The following CNBD1 variants were observed in gnomAD, a reference collection of about 807,000 sequenced individuals.
CNBD1 encodes the protein cyclic nucleotide-binding domain-containing protein 1.
Under a neutral mutation model 54.4 loss-of-function variants are expected in CNBD1, and 71 were observed. The ratio of observed to expected loss-of-function variants is 1.30; its 90% CI spans 1.08 to 1.59. The LOEUF is 1.59. Ranked by LOEUF, CNBD1 falls within the 40% of genes most tolerant of loss-of-function variation. The probability of loss-of-function intolerance (pLI) is 0.00; values close to 1 mark genes in which losing one functional copy is unlikely to be tolerated. For synonymous variants in CNBD1, 182 were observed against 170.7 expected (o/e 1.07, Z -0.51); for missense variants, 659 against 518.0 (o/e 1.27, Z -2.64).
chr8:87,116,531 CT>C (rs1014952396), intron 4 of CNBD1, among the ~76,000 whole-genome samples: 10 of 151,952 alleles, frequency 6.6e-5, no homozygotes, highest in Admixed American at 2.0e-4. Flanking sequence ...CTTATATAAT[CT>C]TTTTTTAAGT....
intron 4 of CNBD1, among the ~76,000 whole-genome samples, chr8:87,026,894 A>G (rs1056859392): frequency 5.3e-5 from 8 of 152,226 alleles, no homozygotes; most frequent in African/African-American, 1.9e-4. Flanking sequence ...CTGGGTTTCT[A>G]TGCCAAACCT....
intron 8 of CNBD1, among the ~76,000 whole-genome samples, chr8:87,328,291 G>A (rs1171980371): frequency 6.6e-6 from 1 of 151,862 alleles, no homozygotes; most frequent in East Asian, 1.9e-4. Flanking sequence ...CAACATATGT[G>A]TGAATTTTTC....
chr8:86,893,483 ATTATC>A (rs1446312529), intron 2 of CNBD1, among the ~76,000 whole-genome samples: 3 of 152,178 alleles, frequency 2.0e-5, no homozygotes, highest in Admixed American at 2.0e-4. Flanking sequence ...TCTAGATGAT[ATTATC>A]TTAAACTTAC....
intron 8 of CNBD1, among the ~76,000 whole-genome samples, chr8:87,342,967 G>C (rs752661429): frequency 3.9e-5 from 6 of 152,134 alleles, no homozygotes; most frequent in Admixed American, 6.5e-5. Context: ...GGTACTGCAG[G>C]AGACCAGGGC....
chr8:87,275,438 G>A (rs531491615), intron 6 of CNBD1, among the ~76,000 whole-genome samples: 44 of 151,792 alleles, frequency 2.9e-4, no homozygotes, highest in South Asian at 8.3e-4. Context: ...GTTTGTATCC[G>A]CTTTTATTTC....
At chr8:86,878,105 T>TGTGTGTGTGTGTGAGAGA (rs56785226) in intron 1 of CNBD1, among the ~76,000 whole-genome samples, 2 of 140,876 alleles carry the variant, frequency 1.4e-5, no homozygotes, top group South Asian at 2.4e-4. Context: ...TGTGTGTGTG[T>TGTGTGTGTGTGTGAGAGA]GAGAGAGAGA....
At chr8:87,055,349 A>G (rs1045288897) in intron 4 of CNBD1, among the ~76,000 whole-genome samples, 1 of 152,132 alleles carries the variant, frequency 6.6e-6, no homozygotes, top group Non-Finnish European at 1.5e-5. Context: ...AACTCCCCCT[A>G]TCTATGCAAC....
chr8:86,977,406 C>T (rs960406611), intron 4 of CNBD1, among the ~76,000 whole-genome samples: 2 of 152,040 alleles, frequency 1.3e-5, no homozygotes, highest in East Asian at 3.8e-4. Flanking sequence ...CTCTTCTTTG[C>T]TCCTCAGATT....
intron 10 of CNBD1, among the ~76,000 whole-genome samples, chr8:87,362,552 A>G (rs1810544019): frequency 6.6e-6 from 1 of 152,048 alleles, no homozygotes; most frequent in African/African-American, 2.4e-5. Flanking sequence ...ATTTTTAATC[A>G]TAACCTTATT....
intron 4 of CNBD1, among the ~76,000 whole-genome samples, chr8:87,083,205 G>A (rs569996694): frequency 3.3e-5 from 5 of 152,150 alleles, no homozygotes; most frequent in African/African-American, 4.8e-5. Context: ...GTTTCTTTGC[G>A]ATATTTTAAA....
At chr8:87,266,854 C>T (rs1014893409) in intron 6 of CNBD1, among the ~76,000 whole-genome samples, 3 of 152,072 alleles carry the variant, frequency 2.0e-5, no homozygotes, top group African/African-American at 7.3e-5. Context: ...AAAGATAAAA[C>T]TGCATGCCTA....
intron 4 of CNBD1, among the ~76,000 whole-genome samples, chr8:87,116,405 A>G (rs1040512527): frequency 2.0e-5 from 3 of 151,662 alleles, no homozygotes; most frequent in Admixed American, 6.6e-5. Context: ...GTAGAGATGG[A>G]GTCTCACTGT....
chr8:87,223,849 G>A (rs1469468621), intron 5 of CNBD1, among the ~76,000 whole-genome samples: 1 of 152,068 alleles, frequency 6.6e-6, no homozygotes, highest in African/African-American at 2.4e-5. Context: ...CTAGTTTACA[G>A]TCCCACCAAC....
chr8:87,403,362 G>C (rs1423642998), intron 2 of CNBD1, among the ~76,000 whole-genome samples: 2 of 151,972 alleles, frequency 1.3e-5, no homozygotes, highest in Non-Finnish European at 2.9e-5. Flanking sequence ...ACTTGTCGTA[G>C]ATAGACCGAA....
intron 8 of CNBD1, among the ~76,000 whole-genome samples, chr8:87,339,564 A>G (rs543167997): frequency 6.6e-6 from 1 of 152,168 alleles, no homozygotes; most frequent in Non-Finnish European, 1.5e-5. Flanking sequence ...ATTAAGATGA[A>G]GTGGTGACTT....
chr8:87,018,286 A>G (rs913077547), intron 4 of CNBD1, among the ~76,000 whole-genome samples: 1 of 152,186 alleles, frequency 6.6e-6, no homozygotes, highest in Non-Finnish European at 1.5e-5. Flanking sequence ...GTTGCAAATC[A>G]ATTTCTTACT....
At chr8:87,169,858 C>A (rs924984098) in intron 4 of CNBD1, among the ~76,000 whole-genome samples, 6 of 151,912 alleles carry the variant, frequency 3.9e-5, no homozygotes, top group African/African-American at 1.5e-4. Flanking sequence ...CAGTTTTGTT[C>A]TTTTTGCTTA....
intron 4 of CNBD1, among the ~76,000 whole-genome samples, chr8:87,131,539 C>T (rs992937216): frequency 2.6e-5 from 4 of 151,936 alleles, no homozygotes; most frequent in Non-Finnish European, 5.9e-5. Flanking sequence ...TTACTTTTCT[C>T]ATTAAGCATT....
intron 4 of CNBD1, among the ~76,000 whole-genome samples, chr8:86,997,448 C>A (rs1198948999): frequency 6.6e-6 from 1 of 152,086 alleles, no homozygotes; most frequent in Non-Finnish European, 1.5e-5. Flanking sequence ...ATTCACAATC[C>A]TTTGATTTGG....
Sources: allele counts gnomAD v4.1 joint callset (sites outside exome capture counted in the v4.1 genomes callset), GRCh38; gene constraint gnomAD v4.1.1; transcripts MANE v1.5; gene names NCBI Gene and HGNC (gene_info 2026-07-23, HGNC 2026-07-21).